The following SH2D6 variants were observed in gnomAD, a reference collection of about 807,000 sequenced individuals.
The protein encoded by SH2D6 is SH2 domain containing 6, also known as SH2 domain-containing protein 6.
SH2D6 carries 31 observed loss-of-function variants against 30.2 expected under a neutral mutation model. The ratio of observed to expected loss-of-function variants is 1.03; its 90% CI spans 0.77 to 1.38. SH2D6 has a LOEUF of 1.38. Ranked by LOEUF, SH2D6 falls within the 40% of genes most tolerant of loss-of-function variation. The probability of loss-of-function intolerance (pLI) is 0.00; values close to 1 mark genes in which losing one functional copy is unlikely to be tolerated. For missense variants in SH2D6, 240 were observed against 266.8 expected, an observed-to-expected ratio of 0.90 and a Z score of 0.70; for synonymous variants, 93 against 104.6, an observed-to-expected ratio of 0.89 and a Z score of 0.68.
Position 85,433,593 on chromosome 2 carries a change from C to G in SH2D6, c.416C>G (p.Pro139Arg), listed in dbSNP as rs1314053181. Residue 139 changes from proline to arginine, a missense_variant, in exon 16 of 24, where the codon CCT (proline) becomes CGT (arginine). Transcript: ENST00000469800. The stretch of plus-strand genomic sequence containing the variant: ...TAGGTGCCAGGCCCTCCAAAGAAAC[C>G]TGATGAGGACCTCTACTTGGAATGT... ...SRVVPGPPKK[P>R]DEDLYLECEP... The G allele has an allele frequency of 1.0e-6, 1 of 1,001,906 alleles. No homozygotes were observed. Among genetic ancestry groups the G allele is most frequent in the East Asian group, 1.1e-4 (1 of 9,256 alleles). 62.1% of individuals were successfully genotyped at this position (1,001,906 alleles called of 1,614,324 possible).
rs562745576 is a variant in SH2D6 at position 85,434,576 on chromosome 2, C to G, written c.589+79C>G. The G allele has an allele frequency of 1.2e-5, 17 of 1,445,314 alleles. No individual in the cohort carries two copies. The East Asian group carries it at 3.7e-4, about 32-fold the overall frequency. 89.5% of individuals were successfully genotyped at this position (1,445,314 alleles called of 1,614,324 possible). ...TCAGTTACAGATCAAACTCCTTGTT[C>G]TACCCTTTCCCCACTTCTCACTACT... On this transcript the variant is annotated intron_variant, in intron 19 of 23. Coordinates refer to ENST00000469800, the MANE Select transcript of SH2D6 (RefSeq NM_001394463.1).
At chr2:85,423,589 C>G (rs1238844690) in intron 5 of SH2D6, among the ~76,000 whole-genome samples, 3 of 152,216 alleles carry the variant, frequency 2.0e-5, no homozygotes, top group Non-Finnish European at 4.4e-5. Flanking sequence ...GGGATGGTCT[C>G]TCACAAAGCT....
In SH2D6 at chr2:85,434,354, C is replaced by T; in HGVS notation, c.548C>T (p.Pro183Leu). 1 of 1,548,966 alleles carries T rather than the reference C, an allele frequency of 6.5e-7. No homozygotes were observed. Among genetic ancestry groups the T allele is most frequent in the Admixed American group, 2.0e-5 (1 of 50,908 alleles). The change falls in exon 18 of 24, where the codon CCC (proline) becomes CTC (leucine). Residue 183 changes from proline (P) to leucine (L), a missense_variant. Transcript: ENST00000469800. ...GCTTCCCACAGGCCTACCACAGCCC[C>T]CCAGGAAACTCGGAATGTAAGAGGC... ...TSVVPRPTTA[P>L]QETRNGTADA...
In SH2D6 at chr2:85,435,684, C is replaced by T. The variant is rs572695501; in HGVS notation, c.751C>T (p.Arg251Cys). The T allele has an allele frequency of 8.7e-6, 14 of 1,609,556 alleles. No homozygotes were observed. Among genetic ancestry groups the T allele is most frequent in the African/African-American group, 2.7e-5 (2 of 74,850 alleles). The change falls in exon 22 of 24, where the codon CGC becomes TGC. Residue 251 changes from arginine (R) to cysteine (C), a missense_variant. Physicochemically the swap from Arg to Cys is radical, Grantham distance 180. Transcript: ENST00000469800. ...TCCACAGGATGGGGCCTATACCGTG[C>T]GCCCCAGCTCAGGGCCTCATGGCTC... ...HLQKDGAYTVRPSSGPHGSQP... is the reference protein window; with the variant it reads ...HLQKDGAYTVCPSSGPHGSQP...
chr2:85,422,056 G>A (rs1687769299), intron 2 of SH2D6, 147 bp from the exon 3 acceptor site: 1 of 152,282 alleles, frequency 6.6e-6, no homozygotes, highest in Admixed American at 6.5e-5. Context: ...GGAAGGGAGA[G>A]GGCTGGGCTC....
intron 2 of SH2D6, among the ~76,000 whole-genome samples, chr2:85,420,025 G>A (rs1320049232): frequency 1.3e-5 from 2 of 152,158 alleles, no homozygotes; most frequent in African/African-American, 2.4e-5. Flanking sequence ...AGGAGAGATA[G>A]GTACCATAGA....
intron 6 of SH2D6, among the ~76,000 whole-genome samples, chr2:85,427,102 A>G (rs1240807343): frequency 6.6e-6 from 1 of 152,238 alleles, no homozygotes; most frequent in Non-Finnish European, 1.5e-5. Flanking sequence ...TTATCTAAAC[A>G]CCACTGTGTG....
chr2:85,434,616 T>TAAA, intron 19 of SH2D6, 119 bp downstream of exon 19: 1 of 1,079,164 alleles, frequency 9.3e-7, no homozygotes, highest in South Asian at 1.8e-5. Context: ...TTGACTAGAC[T>TAAA]TAAAAAAAAA....
At position 85,435,134 on chromosome 2, in the gene SH2D6, G is replaced by T; in HGVS notation, c.648+11G>T. On this transcript the variant is annotated intron_variant, in intron 20 of 23. Coordinates refer to ENST00000469800, the MANE Select transcript of SH2D6 (RefSeq NM_001394463.1). ...GCCTCAGCTGCTGAGGTGAGGAGGG[G>T]CTGGGAGCAGGCTGTAGGGAGAGGT... 6.2e-7 allele frequency: 1 copy of T among 1,610,058 alleles called. No homozygotes were observed. Among genetic ancestry groups the T allele is most frequent in the Non-Finnish European group, 8.5e-7 (1 of 1,178,646 alleles).
chr2:85,430,643 T>A lies in SH2D6; in HGVS notation c.241T>A (p.Leu81Met), dbSNP rs570272357. 1 of 153,236 alleles carries A rather than the reference T, an allele frequency of 6.5e-6. No homozygotes were observed. The highest frequency in any genetic ancestry group is 1.9e-4 in the East Asian group (1 of 5,190). 9.5% of individuals were successfully genotyped at this position (153,236 alleles called of 1,614,324 possible). Residue 81 changes from leucine (L) to methionine (M), a missense_variant, in exon 12 of 24, where the codon TTG becomes ATG. Leu to Met is a conservative substitution (Grantham distance 15, BLOSUM62 2). Transcript: ENST00000469800. The surrounding 1 kb of genome is among the most constrained non-coding windows in gnomAD (Gnocchi z 4.3). ...CCTTCCTGGCACTGAGGAGGACTCC[T>A]TGTACCTGGGTGAGGGCTAGGAGGT... ...AHLPGTEEDS[L>M]YLDHSGPLGP...
rs1689526416 is a variant in SH2D6, at chr2:85,436,931, C to G, written c.*107C>G. 4.1e-6 allele frequency: 1 copy of G among 246,536 alleles called. No homozygotes were observed. Among genetic ancestry groups the G allele is most frequent in the Non-Finnish European group, 7.9e-6 (1 of 125,926 alleles). The allele number at this position is 246,536 out of a possible 1,614,324, so 15.3% of individuals were successfully genotyped here. A position where few individuals can be genotyped will look rare whatever the true frequency, so the allele number is the denominator to read the frequency against. On this transcript the variant is annotated 3_prime_UTR_variant, in exon 24 of 24. Transcript: ENST00000469800. ...GACAGCACAGGCACTGCTGGAACAGCAAAGGATCCTCTCACATCTACTTGT... is the reference window on the plus strand; with the variant it reads ...GACAGCACAGGCACTGCTGGAACAGGAAAGGATCCTCTCACATCTACTTGT...
chr2:85,435,884 G>A (rs2104954546), intron 22 of SH2D6, 60 bp downstream of exon 22: 2 of 1,467,392 alleles, frequency 1.4e-6, no homozygotes, highest in East Asian at 2.5e-5. Context: ...CCCAGGCCTA[G>A]CCAAGAGCAT....
At position 85,436,611 on chromosome 2, in the gene SH2D6, G is replaced by A. The variant is rs761371751; in HGVS notation, c.*12+17G>A. On this transcript the variant is annotated intron_variant, in intron 23 of 23. Coordinates refer to ENST00000469800, the MANE Select transcript of SH2D6 (RefSeq NM_001394463.1). Reference sequence around the variant, plus strand: ...CACAGCGAAGTACACACCGCCTTTGGCCCCAGTTTGCTTCTTGTCCCGCCC... The same window carrying A: ...CACAGCGAAGTACACACCGCCTTTGACCCCAGTTTGCTTCTTGTCCCGCCC... 1.3e-6 allele frequency: 2 copies of A among 1,593,544 alleles called. No individual in the cohort carries two copies. The highest frequency in any genetic ancestry group is 2.2e-5 in the East Asian group (1 of 44,722).
intron 17 of SH2D6, 85 bp from the exon 18 acceptor site, chr2:85,434,255 G>A (rs1207436751): frequency 2.0e-6 from 3 of 1,512,768 alleles, no homozygotes; most frequent in Non-Finnish European, 2.7e-6. Context: ...GGTGGCAGGG[G>A]CAGCTTGGAA....
At chr2:85,419,670 T>A (rs752565283) in intron 2 of SH2D6, among the ~76,000 whole-genome samples, 1 of 152,230 alleles carries the variant, frequency 6.6e-6, no homozygotes, top group Non-Finnish European at 1.5e-5. Flanking sequence ...GGGCATATAC[T>A]GCTACATACT....
chr2:85,425,771 AT>A (rs1417863351), intron 6 of SH2D6, among the ~76,000 whole-genome samples: 1 of 152,026 alleles, frequency 6.6e-6, no homozygotes, highest in Non-Finnish European at 1.5e-5. Context: ...AATGCCATTG[AT>A]TTGGGCCCTG....
chr2:85,425,257 C>CTTTTTTT (rs56321596), intron 5 of SH2D6, 51 bp from the exon 6 acceptor site: 11 of 96,136 alleles, frequency 1.1e-4, no homozygotes, highest in East Asian at 2.9e-4. Context: ...TTCTTTCTTT[C>CTTTTTTT]TTTTTTTTTT....
At chr2:85,432,452 T>C (rs1278385881) in intron 14 of SH2D6, among the ~76,000 whole-genome samples, 2 of 151,492 alleles carry the variant, frequency 1.3e-5, no homozygotes, top group Non-Finnish European at 2.9e-5. Flanking sequence ...CAGGCTGGAG[T>C]GCAGTGGCGC....
In SH2D6 at chr2:85,436,562, C is replaced by T. The variant is rs777935736; in HGVS notation, c.988C>T (p.Leu330Phe). 2 of 1,613,812 alleles carry T rather than the reference C, an allele frequency of 1.2e-6. No individual in the cohort carries two copies. The highest frequency in any genetic ancestry group is 1.7e-6 in the Non-Finnish European group (2 of 1,179,992). The change falls in exon 23 of 24, where the codon CTC (leucine) becomes TTC (phenylalanine). Residue 330 changes from leucine (L) to phenylalanine (F), a missense_variant. Physicochemically the swap from Leu to Phe is conservative, Grantham distance 22. Coordinates refer to ENST00000469800, the MANE Select transcript of SH2D6 (RefSeq NM_001394463.1). ...CGGCAGCCGGGAACTCACCTGCCTG[C>T]TCTTCCCCACCAAGCCTTGAGGCCA... Reference protein sequence around the residue: ...HSGSRELTCLLFPTKP With the variant: ...HSGSRELTCLFFPTKP
Sources: allele counts gnomAD v4.1 joint callset (sites outside exome capture counted in the v4.1 genomes callset), GRCh38; gene constraint gnomAD v4.1.1; non-coding constraint Gnocchi (gnomAD v3.1); transcripts MANE v1.5; gene names NCBI Gene and HGNC (gene_info 2026-07-23, HGNC 2026-07-21).